FBN1: variants seen among roughly 807,000 people sequenced by gnomAD.
FBN1 encodes the protein fibrillin-1.
FBN1 carries 29 observed loss-of-function variants against 365.1 expected under a neutral mutation model. The ratio of observed to expected loss-of-function variants is 0.08; its 90% CI spans 0.06 to 0.11. The LOEUF is 0.11. Ranked by LOEUF, FBN1 falls within the 10% of genes least tolerant of loss-of-function variation. The pLI, the probability that FBN1 is intolerant of heterozygous loss-of-function variation, is 1.00. For missense variants in FBN1, 2,476 were observed against 3,703.2 expected (o/e 0.67, Z 8.60); for synonymous variants, 1,210 against 1,270.5 (o/e 0.95, Z 1.01).
chr15:48,564,907 A>G (rs1273162331), intron 6 of FBN1, among the ~76,000 whole-genome samples: 2 of 152,204 alleles, frequency 1.3e-5, no homozygotes, highest in African/African-American at 4.8e-5. Flanking sequence ...TCCAGAGGTA[A>G]TGAGTTCATC....
intron 3 of FBN1, 66 bp downstream of exon 3, chr15:48,612,944 G>A: frequency 8.5e-7 from 1 of 1,173,780 alleles, no homozygotes; most frequent in South Asian, 1.2e-5. Flanking sequence ...CACATTCTAA[G>A]GCTCCCCATG....
intron 12 of FBN1, 131 bp downstream of exon 12, chr15:48,515,256 A>G: frequency 1.0e-6 from 1 of 969,100 alleles, no homozygotes; most frequent in South Asian, 1.5e-5. Context: ...GAGCTGAAAG[A>G]TAATTTAAAT....
chr15:48,563,571 A>C (rs186445825), intron 6 of FBN1, among the ~76,000 whole-genome samples: 86 of 152,330 alleles, frequency 5.6e-4, no homozygotes, highest in Admixed American at 1.8e-3. Flanking sequence ...TATTTTAAAA[A>C]TTTCCAAGCA....
At chr15:48,463,268 G>A (rs759132892) in intron 41 of FBN1, 28 bp from the exon 42 acceptor site, 1 of 1,611,114 alleles carries the variant, frequency 6.2e-7, no homozygotes. Flanking sequence ...AAAAGGATTG[G>A]AGGGTTGGTG....
intron 6 of FBN1, among the ~76,000 whole-genome samples, chr15:48,568,045 GAAAGAAGAAAGA>G (rs1214363872): frequency 1.5e-5 from 1 of 67,260 alleles, no homozygotes; most frequent in Non-Finnish European, 2.7e-5. Flanking sequence ...AAGAAAGAAA[GAAAGAAGAAAGA>G]AAGAAAGAAA....
At chr15:48,438,606 C>A (rs1424600008) in intron 50 of FBN1, among the ~76,000 whole-genome samples, 1 of 141,730 alleles carries the variant, frequency 7.1e-6, no homozygotes, top group Non-Finnish European at 1.5e-5. Flanking sequence ...TTAAAAGAAG[C>A]TTGTTTAGCT....
intron 6 of FBN1, among the ~76,000 whole-genome samples, chr15:48,572,482 A>C (rs1317278537): frequency 1.1e-4 from 16 of 152,042 alleles, no homozygotes; most frequent in Admixed American, 1.0e-3. Context: ...AGAAACAGTA[A>C]AAAAATTTTT....
chr15:48,446,630 A>T, intron 47 of FBN1, 76 bp downstream of exon 47: 1 of 873,978 alleles, frequency 1.1e-6, no homozygotes. Flanking sequence ...CAGCTGGAAC[A>T]CTAGAGATGA....
Position 48,474,263 on chromosome 15 carries a change from G to A in FBN1, c.4202C>T (p.Thr1401Ile). The change falls in exon 34 of 66, where the codon ACT (threonine) becomes ATT (isoleucine). Residue 1401 changes from threonine to isoleucine, a missense_variant. By Grantham distance (89) the Thr-to-Ile change is moderately conservative. Transcript: ENST00000316623. The stretch of plus-strand genomic sequence containing the variant: ...TTCCAGCGTGAACATACCTGTACAA[G>A]TGAAGCCATCACCTGTGTATCCTTC... ...CKEGYTGDGF[T>I]CTDLDECSEN... 2 of 1,614,106 alleles carry A rather than the reference G, an allele frequency of 1.2e-6. No homozygotes were observed. Among genetic ancestry groups the A allele is most frequent in the Non-Finnish European group, 1.7e-6 (2 of 1,179,990 alleles).
At chr15:48,597,551 A>C (rs189386410) in intron 5 of FBN1, among the ~76,000 whole-genome samples, 9 of 152,276 alleles carry the variant, frequency 5.9e-5, no homozygotes, top group Admixed American at 5.2e-4. Context: ...TGGTCTGAAG[A>C]CCATTCCCTC....
intron 27 of FBN1, 38 bp from the exon 28 acceptor site, chr15:48,487,475 T>G: frequency 6.2e-7 from 1 of 1,610,218 alleles, no homozygotes; most frequent in Non-Finnish European, 8.5e-7. Flanking sequence ...GGTGGGGGCC[T>G]CATCTCCTCC....
At position 48,488,379 on chromosome 15, in the gene FBN1, C is replaced by G. The variant is rs376659156; in HGVS notation, c.3197G>C (p.Arg1066Thr). 296 of 1,614,134 alleles carry G rather than the reference C, an allele frequency of 1.8e-4. 1 individual carries two copies. The highest frequency in any genetic ancestry group is 2.4e-4 in the Non-Finnish European group (288 of 1,180,054). The change falls in exon 26 of 66, where the codon AGG becomes ACG. Residue 1066 changes from arginine (R) to threonine (T), a missense_variant. Transcript: ENST00000316623. ...GCTCATTAACTGACCTGTGCAGTTCCTTTCTTCAGAATCAAGAGCAAAGCC... is the reference window on the plus strand; with the variant it reads ...GCTCATTAACTGACCTGTGCAGTTCGTTTCTTCAGAATCAAGAGCAAAGCC... ...DSGFALDSEE[R>T]NCTDIDECRI...
chr15:48,455,404 G>A (rs1012501026), intron 44 of FBN1, among the ~76,000 whole-genome samples: 7 of 152,170 alleles, frequency 4.6e-5, no homozygotes, highest in African/African-American at 1.7e-4. Context: ...AAGGTACCTG[G>A]GTACAGTCAT....
Position 48,410,846 on chromosome 15 carries a change from G to A in FBN1, c.*144C>T. Reference sequence around the variant, plus strand: ...GGGTAGTCACCTGTACCTTGCTTTGGTAATACAAAGAATAGTGCTTATTTA... The same window carrying A: ...GGGTAGTCACCTGTACCTTGCTTTGATAATACAAAGAATAGTGCTTATTTA... On this transcript the variant is annotated 3_prime_UTR_variant, in exon 66 of 66. Transcript: ENST00000316623. 1.2e-6 allele frequency: 1 copy of A among 833,018 alleles called. No homozygotes were observed. The highest frequency in any genetic ancestry group is 1.9e-6 in the Non-Finnish European group (1 of 540,068). 51.6% of individuals were successfully genotyped at this position (833,018 alleles called of 1,614,324 possible).
intron 5 of FBN1, among the ~76,000 whole-genome samples, 196 bp downstream of exon 5, chr15:48,599,943 C>T (rs2044548729): frequency 1.3e-5 from 2 of 152,082 alleles, no homozygotes; most frequent in South Asian, 4.1e-4. Flanking sequence ...CAACCTGTAA[C>T]CAATCAAGGT....
At chr15:48,428,290 C>T in intron 57 of FBN1, 56 bp downstream of exon 57, 2 of 1,598,854 alleles carry the variant, frequency 1.3e-6, no homozygotes, top group Non-Finnish European at 1.7e-6. Flanking sequence ...GTCTGGGTTT[C>T]CAGCATCCCA....
Position 48,496,209 on chromosome 15 carries a change from T to C in FBN1, c.2310A>G (p.Val770=), listed in dbSNP as rs1463887855. 1.9e-6 allele frequency: 3 copies of C among 1,613,798 alleles called. No individual in the cohort carries two copies. The highest frequency in any genetic ancestry group is 2.7e-5 in the African/African-American group (2 of 75,044). Reference sequence around the variant, plus strand: ...CATTGTCACAAAGGAGACTGTTCAGTACACATTCATTAATATCTGCAAAGT... The same window carrying C: ...CATTGTCACAAAGGAGACTGTTCAGCACACATTCATTAATATCTGCAAAGT... ...GKNCVDINEC[V]LNSLLCDNGQ... Residue 770 remains valine, a synonymous_variant, in exon 20 of 66, where the codon GTA becomes GTG. Transcript: ENST00000316623.
chr15:48,459,902 CAGAA>C (rs1257086538), intron 43 of FBN1, among the ~76,000 whole-genome samples: 1 of 152,272 alleles, frequency 6.6e-6, no homozygotes, highest in South Asian at 2.1e-4. Context: ...TGGTCTTAGT[CAGAA>C]GGAAGGATTG....
chr15:48,609,077 T>C (rs1279255147), intron 4 of FBN1, among the ~76,000 whole-genome samples: 1 of 152,236 alleles, frequency 6.6e-6, no homozygotes, highest in Non-Finnish European at 1.5e-5. Flanking sequence ...CTGAGATGCT[T>C]ATGCTTCAGC....
Sources: gnomAD v4.1 joint callset for allele counts (sites outside exome capture counted in the v4.1 genomes callset) on GRCh38, gnomAD v4.1.1 for gene constraint, MANE v1.5 for transcripts, NCBI Gene and HGNC (gene_info 2026-07-23, HGNC 2026-07-21) for gene names.